The following AR variants were observed in gnomAD, a reference collection of about 807,000 sequenced individuals.
AR encodes the protein dihydrotestosterone receptor.
In AR, 8 loss-of-function variants were observed where a neutral mutation model predicts 53.9. The observed-to-expected ratio is 0.15, with a 90% CI of 0.09 to 0.27. The LOEUF is 0.27. Among genes scored for constraint, AR ranks in the 10% least tolerant of loss-of-function variants. The probability of loss-of-function intolerance (pLI) is 1.00; values close to 1 mark genes in which losing one functional copy is unlikely to be tolerated. For synonymous variants in AR, 359 were observed against 316.4 expected (o/e 1.13, Z -1.43); for missense variants, 639 against 742.5 (o/e 0.86, Z 1.62).
chrX:67,623,046 G>A (rs1248649042), intron 1 of AR, among the ~76,000 whole-genome samples: 1 of 111,290 alleles, frequency 9.0e-6, no homozygotes, highest in African/African-American at 3.3e-5. Context: ...GGAGTGACCT[G>A]TCTTCTCTCT....
intron 1 of AR, among the ~76,000 whole-genome samples, chrX:67,626,284 G>A (rs1401505395): frequency 2.7e-5 from 3 of 109,419 alleles, no homozygotes; most frequent in African/African-American, 1.0e-4. Flanking sequence ...AGTAGTTTCA[G>A]CTCATGGAGA....
In AR at chrX:67,686,098, A is replaced by G. The variant is rs1182438992; in HGVS notation, c.1857A>G (p.Lys619=). 8.3e-7 allele frequency: 1 copy of G among 1,210,809 alleles called. No homozygotes were observed. The highest frequency in any genetic ancestry group is 1.7e-5 in the African/African-American group (1 of 57,790). ...ATTGTCCATCTTGTCGTCTTCGGAA[A>G]TGTTATGAAGCAGGGATGACTCTGG... ...RKNCPSCRLR[K]CYEAGMTLGA... Residue 619 remains lysine (K), a synonymous_variant, in exon 3 of 8, where the codon AAA becomes AAG. Transcript: ENST00000374690.
At chrX:67,641,171 C>A (rs887260812) in intron 1 of AR, among the ~76,000 whole-genome samples, 2 of 111,488 alleles carry the variant, frequency 1.8e-5, no homozygotes, top group Non-Finnish European at 3.8e-5. Context: ...AGGATGGAAT[C>A]CTGGCATTGC....
intron 7 of AR, among the ~76,000 whole-genome samples, chrX:67,723,308 C>CTGTG (rs1473926812): frequency 3.4e-4 from 5 of 14,588 alleles, no homozygotes; most frequent in African/African-American, 5.0e-4. Flanking sequence ...GTGAGTTTGT[C>CTGTG]TGTCTGTGTG....
intron 2 of AR, among the ~76,000 whole-genome samples, chrX:67,663,995 A>C (rs1336362288): frequency 1.8e-5 from 2 of 110,605 alleles, no homozygotes; most frequent in Non-Finnish European, 3.8e-5. Flanking sequence ...ACTTCTCTGC[A>C]TTGGTTATTC....
intron 1 of AR, among the ~76,000 whole-genome samples, chrX:67,568,633 G>T (rs1243661077): frequency 9.0e-6 from 1 of 111,694 alleles, no homozygotes; most frequent in Non-Finnish European, 1.9e-5. Flanking sequence ...GGCAGTCAGA[G>T]GGATTCTGAT....
chrX:67,545,280 C>G lies in AR; in HGVS notation c.134C>G (p.Ala45Gly), dbSNP rs139767835. ...QNPGPRHPEA[A>G]SAAPPGASLL... is the part of the protein sequence containing the mutation. ...CCGGGCCCCAGGCACCCAGAGGCCG[C>G]GAGCGCAGCACCTCCCGGCGCCAGT... is the stretch of plus-strand genomic sequence containing the variant. Residue 45 changes from alanine to glycine, a missense_variant, in exon 1 of 8, where the codon GCG (alanine) becomes GGG (glycine). By Grantham distance (60) the Ala-to-Gly change is moderately conservative. Transcript: ENST00000374690. 3.5e-5 allele frequency: 42 copies of G among 1,202,960 alleles called. No individual in the cohort carries two copies. In the African/African-American group the frequency reaches 7.5e-4, roughly 22 times the overall value.
At chrX:67,707,089 A>T (rs2076071533) in intron 3 of AR, among the ~76,000 whole-genome samples, 1 of 111,845 alleles carries the variant, frequency 8.9e-6, no homozygotes, top group Non-Finnish European at 1.9e-5. Context: ...ATTTTGGAAT[A>T]GGTGTGGTGT....
At chrX:67,672,894 C>A (rs1473683007) in intron 2 of AR, among the ~76,000 whole-genome samples, 3 of 111,567 alleles carry the variant, frequency 2.7e-5, no homozygotes, top group South Asian at 3.7e-4. Flanking sequence ...ACATCCTATT[C>A]TTTCAGATTA....
chrX:67,646,309 T>C (rs35546171), intron 2 of AR, among the ~76,000 whole-genome samples: 1 of 110,992 alleles, frequency 9.0e-6, no homozygotes, highest in African/African-American at 3.3e-5. Context: ...TTTCTCCTTG[T>C]CAGTAATGTT....
At chrX:67,564,156 AT>A (rs1227646240) in intron 1 of AR, among the ~76,000 whole-genome samples, 1 of 111,455 alleles carries the variant, frequency 9.0e-6, no homozygotes, top group East Asian at 2.8e-4. Flanking sequence ...AGATTAAAAC[AT>A]TTTTTTAACA....
chrX:67,580,901 A>G (rs1166541415), intron 1 of AR, among the ~76,000 whole-genome samples: 1 of 111,833 alleles, frequency 8.9e-6, no homozygotes, highest in Non-Finnish European at 1.9e-5. Flanking sequence ...TTTGGCACAT[A>G]GAAGATACTC....
intron 1 of AR, among the ~76,000 whole-genome samples, chrX:67,588,417 G>T (rs183076861): frequency 8.9e-6 from 1 of 111,959 alleles, no homozygotes; most frequent in Admixed American, 9.4e-5. Flanking sequence ...TATGACAAGC[G>T]CTGAGGCCAT....
intron 1 of AR, among the ~76,000 whole-genome samples, chrX:67,642,653 G>GA (rs1032219375): frequency 7.2e-5 from 8 of 110,578 alleles, no homozygotes; most frequent in African/African-American, 1.6e-4. Context: ...AGAAATGAGG[G>GA]AAAAAAAAGA....
intron 1 of AR, among the ~76,000 whole-genome samples, chrX:67,624,535 C>T (rs762143275): frequency 1.4e-4 from 16 of 111,257 alleles, no homozygotes; most frequent in African/African-American, 3.9e-4. Flanking sequence ...TCAGCATTAC[C>T]CTGATGCCAA....
At chrX:67,587,261 G>A (rs906641941) in intron 1 of AR, among the ~76,000 whole-genome samples, 6 of 112,437 alleles carry the variant, frequency 5.3e-5, no homozygotes, top group African/African-American at 9.7e-5. Context: ...AACGTGTGAT[G>A]TTTGCCTAAA....
At chrX:67,555,942 A>T (rs930687084) in intron 1 of AR, among the ~76,000 whole-genome samples, 13 of 112,479 alleles carry the variant, frequency 1.2e-4, no homozygotes, top group Non-Finnish European at 1.1e-4. Context: ...TTACTGTTTC[A>T]TTTGGGATGT....
intron 3 of AR, among the ~76,000 whole-genome samples, chrX:67,701,089 T>C (rs1466326814): frequency 4.5e-5 from 5 of 112,034 alleles, no homozygotes; most frequent in Non-Finnish European, 7.5e-5. Flanking sequence ...ATATCTTATG[T>C]TGTACAATAT....
At chrX:67,692,202 T>C (rs902794368) in intron 3 of AR, among the ~76,000 whole-genome samples, 2 of 111,952 alleles carry the variant, frequency 1.8e-5, no homozygotes, top group Admixed American at 9.5e-5. Flanking sequence ...CAGCAGAGTG[T>C]CATAAAGAAT....
Sources: gnomAD v4.1 joint callset for allele counts (sites outside exome capture counted in the v4.1 genomes callset) on GRCh38, gnomAD v4.1.1 for gene constraint, MANE v1.5 for transcripts, NCBI Gene and HGNC (gene_info 2026-07-23, HGNC 2026-07-21) for gene names.